The following GPS1 variants were observed in gnomAD, a reference collection of about 807,000 sequenced individuals.
GPS1 encodes the protein COP9 signalosome complex subunit 1.
Under a neutral mutation model 60.0 loss-of-function variants are expected in GPS1, and 11 were observed. The ratio of observed to expected loss-of-function variants is 0.18; its 90% CI spans 0.12 to 0.30. The LOEUF (loss-of-function observed/expected upper bound fraction) is 0.30. Ranked by LOEUF, GPS1 falls within the 10% of genes least tolerant of loss-of-function variation. GPS1 has a pLI of 1.00. For synonymous variants in GPS1, 343 were observed against 269.8 expected (o/e 1.27, Z -2.66); for missense variants, 543 against 669.2 (o/e 0.81, Z 2.08).
chr17:82,051,612 G>A (rs1364064587), upstream of GPS1: 15 of 1,245,602 alleles, frequency 1.2e-5, no homozygotes, highest in Non-Finnish European at 1.3e-5. This position sits in a 1 kb window ranked among gnomAD's most constrained non-coding sequence, Gnocchi z 4.1. Flanking sequence ...CAGGCTGGGG[G>A]CAGCGGGCCG....
At chr17:82,056,134 G>A (rs1295698726) in intron 8 of GPS1, 39 bp downstream of exon 8, 16 of 1,516,600 alleles carry the variant, frequency 1.1e-5, no homozygotes, top group Non-Finnish European at 1.4e-5. Context: ...GGCTGTCCCC[G>A]TCCCTCTCCG....
At chr17:82,051,479 C>T (rs2030572260), upstream of GPS1, 11 of 1,351,852 alleles carry the variant, frequency 8.1e-6, no homozygotes, top group Non-Finnish European at 1.0e-5. This position sits in a 1 kb window ranked among gnomAD's most constrained non-coding sequence, Gnocchi z 4.1. Flanking sequence ...GGCTCGCCGT[C>T]GGGGTCGGGG....
chr17:82,056,144 G>A lies in GPS1; in HGVS notation c.929+49G>A, dbSNP rs374456052. ...CTGAAGGCTGTCCCCGTCCCTCTCC[G>A]TGGCTGCTGCTTCGGCCTTGCATGT... On this transcript the variant is annotated intron_variant, in intron 8 of 12. Coordinates refer to ENST00000578552, the MANE Select transcript of GPS1 (RefSeq NM_001321092.3). 9.2e-4 allele frequency: 1,371 copies of A among 1,496,784 alleles called. 22 individuals carry two copies. The highest frequency in any genetic ancestry group is 5.0e-4 in the Admixed American group (30 of 59,486). The allele number at this position is 1,496,784 out of a possible 1,614,324, so 92.7% of individuals were successfully genotyped here. A position where few individuals can be genotyped will look rare whatever the true frequency, so the allele number is the denominator to read the frequency against.
Position 82,056,091 on chromosome 17 carries a change from A to G in GPS1, c.925A>G (p.Ser309Gly). Residue 309 changes from serine (S) to glycine (G), a missense_variant, in exon 8 of 13, where the codon AGC becomes GGC. Physicochemically the swap from Ser to Gly is moderately conservative, Grantham distance 56 (BLOSUM62 0). Around this residue, in one of 3 missense-constraint regions of GPS1, gnomAD observed 291 missense variants for 353.7 expected, o/e 0.82. Coordinates refer to ENST00000578552, the MANE Select transcript of GPS1 (RefSeq NM_001321092.3). ...RQELQRNVIS[S>G]SSFKLFLELE... is the part of the protein sequence containing the mutation. The stretch of plus-strand genomic sequence containing the variant: ...GGAGCTGCAGCGCAATGTCATCTCC[A>G]GCAGGTAGGTGCCCCGGTCCTGCAG... 1 of 1,611,016 alleles carries G rather than the reference A, an allele frequency of 6.2e-7. No homozygotes were observed. Among genetic ancestry groups the G allele is most frequent in the Non-Finnish European group, 8.5e-7 (1 of 1,178,798 alleles).
At chr17:82,053,570 A>C in intron 2 of GPS1, 1 of 519,972 alleles carries the variant, frequency 1.9e-6, no homozygotes, top group Non-Finnish European at 3.3e-6. Context: ...CTCATGGAGA[A>C]GCCAGGGCAG....
chr17:82,054,463 C>T (rs2032010569), intron 3 of GPS1, 47 bp from the exon 4 acceptor site: 1 of 1,449,950 alleles, frequency 6.9e-7, no homozygotes, highest in Middle Eastern at 2.0e-4. Context: ...CCCCTCCTCC[C>T]TGGCCCCCGT....
chr17:82,055,219 G>A lies in GPS1; in HGVS notation c.745G>A (p.Ala249Thr), dbSNP rs1363410887. ...CATCCTCACCAAGCTCAAGTGTGCC[G>A]CAGGTGAGGGCCTGGGTCACGCCCA... ...QAILTKLKCA[A>T]GLAELAARKY... Residue 249 changes from alanine to threonine, a missense_variant, in exon 6 of 13, where the codon GCA (alanine) becomes ACA (threonine). This residue lies in a region of GPS1 where 291 missense variants were observed against 353.7 expected (regional missense o/e 0.82). Coordinates refer to ENST00000578552, the MANE Select transcript of GPS1 (RefSeq NM_001321092.3). 4.5e-6 allele frequency: 7 copies of A among 1,553,026 alleles called. No homozygotes were observed. The highest frequency in any genetic ancestry group is 5.2e-6 in the Non-Finnish European group (6 of 1,148,348).
In GPS1 at chr17:82,056,534, A is replaced by G. The variant is rs770284936; in HGVS notation, c.1100A>G (p.Asn367Ser). ...HVRTLYTQIR[N>S]RALIQYFSPY... ...AGGACCCTGTACACCCAGATTCGCA[A>G]CCGTGCCCTCATCCAGGTAAGCGTG... The change falls in exon 10 of 13, where the codon AAC becomes AGC. Residue 367 changes from asparagine to serine, a missense_variant. By Grantham distance (46) the Asn-to-Ser change is conservative. Around this residue, in one of 3 missense-constraint regions of GPS1, gnomAD observed 291 missense variants for 353.7 expected, o/e 0.82. Transcript: ENST00000578552. The G allele has an allele frequency of 1.2e-6, 2 of 1,613,054 alleles. No homozygotes were observed. Among genetic ancestry groups the G allele is most frequent in the Non-Finnish European group, 1.7e-6 (2 of 1,179,994 alleles).
chr17:82,051,444 T>C (rs554985698), upstream of GPS1: 20,181 of 1,339,546 alleles, frequency 0.015, 182 homozygotes, highest in Non-Finnish European at 0.017. The surrounding 1 kb of genome is among the most constrained non-coding windows in gnomAD (Gnocchi z 4.1). Flanking sequence ...GCCTAGACCC[T>C]GGGAGGCGGG....
chr17:82,056,179 C>G, intron 8 of GPS1, 84 bp downstream of exon 8: 1 of 1,382,030 alleles, frequency 7.2e-7, no homozygotes, highest in Non-Finnish European at 1.0e-6. Flanking sequence ...TCCTGGCCCC[C>G]TGGCCCCAGC....
At chr17:82,051,347 G>A (rs776024957), upstream of GPS1, 11 of 1,468,250 alleles carry the variant, frequency 7.5e-6, no homozygotes, top group East Asian at 1.1e-4. This position sits in a 1 kb window ranked among gnomAD's most constrained non-coding sequence, Gnocchi z 4.1. Context: ...AAACGTCTGG[G>A]GGAGAAACAA....
At chr17:82,053,837 C>T (rs963582833) in intron 2 of GPS1, 31 bp from the exon 3 acceptor site, 2 of 1,585,838 alleles carry the variant, frequency 1.3e-6, no homozygotes, top group South Asian at 1.1e-5. Flanking sequence ...GCCTCCCATC[C>T]TGCCTGACTC....
At position 82,054,728 on chromosome 17, in the gene GPS1, A is replaced by G; in HGVS notation, c.527A>G (p.Asn176Ser). ...DHYLDCGDLS[N>S]ALKCYSRARD... Reference sequence around the variant, plus strand: ...TACCTGGACTGTGGGGACCTCAGCAACGCCCTCAAGTGCTATTCCCGGGCC... The same window carrying G: ...TACCTGGACTGTGGGGACCTCAGCAGCGCCCTCAAGTGCTATTCCCGGGCC... Residue 176 changes from asparagine (N) to serine (S), a missense_variant, in exon 4 of 13, where the codon AAC (asparagine) becomes AGC (serine). By Grantham distance (46) the Asn-to-Ser change is conservative. This residue lies in a region of GPS1 where 71 missense variants were observed against 126.7 expected (regional missense o/e 0.56). Coordinates refer to ENST00000578552, the MANE Select transcript of GPS1 (RefSeq NM_001321092.3). 1.2e-6 allele frequency: 2 copies of G among 1,612,348 alleles called. No homozygotes were observed. Among genetic ancestry groups the G allele is most frequent in the Non-Finnish European group, 1.7e-6 (2 of 1,179,896 alleles).
Position 82,057,382 on chromosome 17 carries a change from A to G in GPS1, c.*255A>G, listed in dbSNP as rs955161426. Reference sequence around the variant, plus strand: ...AGCAGACTGTGCGGCACCCAGGCCCAGTGGCACCATTTCCCAGACCCCTCC... The same window carrying G: ...AGCAGACTGTGCGGCACCCAGGCCCGGTGGCACCATTTCCCAGACCCCTCC... On this transcript the variant is annotated 3_prime_UTR_variant, in exon 13 of 13. Coordinates refer to ENST00000578552, the MANE Select transcript of GPS1 (RefSeq NM_001321092.3). The G allele has an allele frequency of 3.1e-5, 21 of 675,980 alleles. No homozygotes were observed. Among genetic ancestry groups the G allele is most frequent in the Non-Finnish European group, 5.4e-5 (20 of 368,018 alleles). 41.9% of individuals were successfully genotyped at this position (675,980 alleles called of 1,614,324 possible).
In GPS1 at chr17:82,057,259, C is replaced by T; in HGVS notation, c.*132C>T. 8.3e-7 allele frequency: 1 copy of T among 1,204,422 alleles called. No individual in the cohort carries two copies. The highest frequency in any genetic ancestry group is 1.2e-6 in the Non-Finnish European group (1 of 827,002). 74.6% of individuals were successfully genotyped at this position (1,204,422 alleles called of 1,614,324 possible). ...CACTGGGTGCCACCCAGCCTGTGTG[C>T]CCTCCCTGGGGCTGAGGAGGCAGGC... On this transcript the variant is annotated 3_prime_UTR_variant, in exon 13 of 13. Coordinates refer to ENST00000578552, the MANE Select transcript of GPS1 (RefSeq NM_001321092.3).
intron 6 of GPS1, 186 bp downstream of exon 6, chr17:82,055,408 CGTGTG>C (rs1568060930): frequency 3.0e-6 from 2 of 672,364 alleles, no homozygotes; most frequent in Admixed American, 4.7e-5. Flanking sequence ...CAGTGGGTGA[CGTGTG>C]GTCAGGGTCT....
rs371123465 is a variant in GPS1 at position 82,053,346 on chromosome 17, G to A, written c.106G>A (p.Val36Met). The A allele has an allele frequency of 2.0e-6, 3 of 1,527,680 alleles. No homozygotes were observed. The highest frequency in any genetic ancestry group is 1.4e-5 in the African/African-American group (1 of 69,502). 94.6% of individuals were successfully genotyped at this position (1,527,680 alleles called of 1,614,324 possible). Reference sequence around the variant, plus strand: ...GCAGAATGCACCTGACGTCAACTACGTGGTGGAGAACCCCAGCCTGGTACG... The same window carrying A: ...GCAGAATGCACCTGACGTCAACTACATGGTGGAGAACCCCAGCCTGGTACG... ...DPQNAPDVNY[V>M]VENPSLDLEQ... The change falls in exon 2 of 13, where the codon GTG becomes ATG. Residue 36 changes from valine to methionine, a missense_variant. Physicochemically the swap from Val to Met is conservative, Grantham distance 21 (BLOSUM62 1). Around this residue, in one of 3 missense-constraint regions of GPS1, gnomAD observed 181 missense variants for 188.8 expected, o/e 0.96. Transcript: ENST00000578552.
At chr17:82,052,339 C>G (rs767267218) in intron 1 of GPS1, 2 of 1,612,982 alleles carry the variant, frequency 1.2e-6, no homozygotes, top group African/African-American at 2.7e-5. Flanking sequence ...GCTCGGCCTC[C>G]TCGTCAGTGA....
At chr17:82,055,472 C>G (rs967685087) in intron 6 of GPS1, 2 of 612,928 alleles carry the variant, frequency 3.3e-6, no homozygotes, top group South Asian at 1.9e-5. Context: ...CCGAGCTGCT[C>G]TGAACTGGGG....
Sources: allele counts gnomAD v4.1 joint callset, GRCh38; gene constraint gnomAD v4.1.1; regional missense constraint gnomAD v4.1.1; non-coding constraint Gnocchi (gnomAD v3.1); transcripts MANE v1.5; gene names NCBI Gene and HGNC (gene_info 2026-07-23, HGNC 2026-07-21).